Variants in UGCG observed in about 807,000 individuals in gnomAD.
The protein encoded by UGCG is UDP-glucose ceramide glucosyltransferase.
UGCG carries 10 observed loss-of-function variants against 49.5 expected under a neutral mutation model. The ratio of observed to expected loss-of-function variants is 0.20; its 90% CI spans 0.12 to 0.34. The LOEUF (loss-of-function observed/expected upper bound fraction) is 0.34. Among genes scored for constraint, UGCG ranks in the 10% least tolerant of loss-of-function variants. The pLI is 1.00. For synonymous variants in UGCG, 182 were observed against 158.2 expected (o/e 1.15, Z -1.13); for missense variants, 312 against 483.7 (o/e 0.65, Z 3.33).
chr9:111,933,156 A>G lies in UGCG; in HGVS notation c.*159A>G. 1 of 633,332 alleles carries G rather than the reference A, an allele frequency of 1.6e-6. No homozygotes were observed. The allele number at this position is 633,332 out of a possible 1,614,324, so 39.2% of individuals were successfully genotyped here. On this transcript the variant is annotated 3_prime_UTR_variant, in exon 9 of 9. Transcript: ENST00000374279. Reference sequence around the variant, plus strand: ...TGCATGGCACTTGCATCTGTGAAAAAAAAAAAAAACACATCTGTAGTCTTG... The same window carrying G: ...TGCATGGCACTTGCATCTGTGAAAAGAAAAAAAAACACATCTGTAGTCTTG...
At chr9:111,928,823 A>C (rs962219585) in intron 5 of UGCG, among the ~76,000 whole-genome samples, 1 of 152,220 alleles carries the variant, frequency 6.6e-6, no homozygotes, top group East Asian at 1.9e-4. Context: ...GGGTAATAAC[A>C]GTCCTTTTCT....
chr9:111,925,701 T>C (rs939398573), intron 4 of UGCG, among the ~76,000 whole-genome samples: 1 of 152,158 alleles, frequency 6.6e-6, no homozygotes, highest in Non-Finnish European at 1.5e-5. Flanking sequence ...AAATGAAAAA[T>C]AAGGTCATGT....
intron 1 of UGCG, among the ~76,000 whole-genome samples, chr9:111,902,950 G>A (rs909399145): frequency 6.6e-6 from 1 of 152,058 alleles, no homozygotes; most frequent in African/African-American, 2.4e-5. Context: ...GCTAATTTTT[G>A]TACTTTCAGT....
chr9:111,904,447 C>T (rs903554134), intron 1 of UGCG, among the ~76,000 whole-genome samples: 10 of 152,230 alleles, frequency 6.6e-5, no homozygotes, highest in African/African-American at 2.4e-4. Flanking sequence ...GGTAGATGAC[C>T]TTAGCTCCTA....
rs1838500200 is a variant in UGCG, at chr9:111,935,264, A to G, written c.*2267A>G. The G allele has an allele frequency of 6.6e-6, 1 of 152,212 alleles. No individual in the cohort carries two copies. Among genetic ancestry groups the G allele is most frequent in the Admixed American group, 6.5e-5 (1 of 15,276 alleles). 9.4% of individuals were successfully genotyped at this position (152,212 alleles called of 1,614,324 possible). ...AGAACTATAGGAGTCTAAATTTAATAAATCTTTAAAAAAAACCAGTGTCTA... is the reference window on the plus strand; with the variant it reads ...AGAACTATAGGAGTCTAAATTTAATGAATCTTTAAAAAAAACCAGTGTCTA... On this transcript the variant is annotated 3_prime_UTR_variant, in exon 9 of 9. Transcript: ENST00000374279.
chr9:111,933,036 G>C lies in UGCG; in HGVS notation c.*39G>C. The stretch of plus-strand genomic sequence containing the variant: ...ACTGTATATAAAGGAAAAAAGAGAA[G>C]TATTATAAATTATGTTTATATAAAT... On this transcript the variant is annotated 3_prime_UTR_variant, in exon 9 of 9. Coordinates refer to ENST00000374279, the MANE Select transcript of UGCG (RefSeq NM_003358.3). 7.2e-7 allele frequency: 1 copy of C among 1,398,556 alleles called. No homozygotes were observed. The highest frequency in any genetic ancestry group is 9.4e-7 in the Non-Finnish European group (1 of 1,066,936). The allele number at this position is 1,398,556 out of a possible 1,614,324, so 86.6% of individuals were successfully genotyped here.
rs199755972 is a variant in UGCG at position 111,897,171 on chromosome 9, G to T, written c.-45G>T. 14 of 1,517,138 alleles carry T rather than the reference G, an allele frequency of 9.2e-6. No individual in the cohort carries two copies. The East Asian group carries it at 3.5e-4, about 38-fold the overall frequency. 94.0% of individuals were successfully genotyped at this position (1,517,138 alleles called of 1,614,324 possible). A position where few individuals can be genotyped will look rare whatever the true frequency, so the allele number is the denominator to read the frequency against. ...TCCTCCTCCTGCGGGAGCGTTGTCCGTGTTGGCGGCCGCAGCGGGCCGGGC... is the reference window on the plus strand; with the variant it reads ...TCCTCCTCCTGCGGGAGCGTTGTCCTTGTTGGCGGCCGCAGCGGGCCGGGC... On this transcript the variant is annotated 5_prime_UTR_variant, in exon 1 of 9. Transcript: ENST00000374279.
At chr9:111,904,557 G>T (rs2131715743) in intron 1 of UGCG, among the ~76,000 whole-genome samples, 1 of 152,178 alleles carries the variant, frequency 6.6e-6, no homozygotes, top group Non-Finnish European at 1.5e-5. Flanking sequence ...ATTTCAAGTA[G>T]TCTTTAAAAA....
At chr9:111,930,351 C>G (rs77997747) in intron 6 of UGCG, among the ~76,000 whole-genome samples, 3,693 of 152,092 alleles carry the variant, frequency 0.024, 83 homozygotes, top group South Asian at 0.049. Context: ...AATTTAAAGA[C>G]TATCATTTCA....
At chr9:111,897,358 C>T (rs762696203) in intron 1 of UGCG, 45 bp downstream of exon 1, 1 of 1,490,082 alleles carries the variant, frequency 6.7e-7, no homozygotes, top group East Asian at 2.5e-5. Context: ...GGGTCCGGGC[C>T]TCGGAGACAG....
rs761163278 is a variant in UGCG, at chr9:111,934,128, GTTTTT to G, written c.*1139_*1143del. On this transcript the variant is annotated 3_prime_UTR_variant, in exon 9 of 9. Coordinates refer to ENST00000374279, the MANE Select transcript of UGCG (RefSeq NM_003358.3). ...GTATCAAACTAAGTCTACTGTGTGT[GTTTTT>G]TTTTTTTGTTTTTTGTTTTTGTTTG... 7.2e-6 allele frequency: 1 copy of G among 139,826 alleles called. No individual in the cohort carries two copies. Among genetic ancestry groups the G allele is most frequent in the Non-Finnish European group, 1.6e-5 (1 of 63,770 alleles). 8.7% of individuals were successfully genotyped at this position (139,826 alleles called of 1,614,324 possible).
chr9:111,931,407 G>C (rs747225080), intron 7 of UGCG, 50 bp downstream of exon 7: 5 of 1,570,158 alleles, frequency 3.2e-6, no homozygotes, highest in Admixed American at 3.4e-5. Flanking sequence ...AAGTGGGGAG[G>C]GGGGTGGTAA....
intron 3 of UGCG, 40 bp from the exon 4 acceptor site, chr9:111,924,737 G>A: frequency 9.3e-7 from 1 of 1,076,214 alleles, no homozygotes; most frequent in Non-Finnish European, 1.3e-6. Flanking sequence ...TATTTTTAAT[G>A]TTGCATAAAT....
At chr9:111,923,149 TCA>T (rs1419103338) in intron 3 of UGCG, among the ~76,000 whole-genome samples, 198 bp downstream of exon 3, 1 of 151,876 alleles carries the variant, frequency 6.6e-6, no homozygotes, top group Non-Finnish European at 1.5e-5. Context: ...ATGAACAAAA[TCA>T]CACACAAAAT....
chr9:111,919,877 A>G (rs917917667), intron 2 of UGCG, among the ~76,000 whole-genome samples: 1 of 151,832 alleles, frequency 6.6e-6, no homozygotes. Flanking sequence ...GCAGCCTCCT[A>G]TAGTAGGAAA....
At chr9:111,932,719 G>C in intron 8 of UGCG, 108 bp from the exon 9 acceptor site, 1 of 1,076,790 alleles carries the variant, frequency 9.3e-7, no homozygotes. Flanking sequence ...AAGCAGACTT[G>C]ATTTTACATA....
intron 2 of UGCG, among the ~76,000 whole-genome samples, chr9:111,917,576 A>G (rs1466822553): frequency 1.3e-5 from 2 of 152,238 alleles, no homozygotes; most frequent in African/African-American, 4.8e-5. Flanking sequence ...TGGGACTATC[A>G]TAGGCCATTT....
At position 111,904,246 on chromosome 9, in the gene UGCG, G is replaced by A. The variant is rs1017982439; in HGVS notation, c.98+6933G>A. 2.0e-5 allele frequency among the ~76,000 whole-genome samples: 3 copies of A among 152,156 alleles called. No individual in the cohort carries two copies. In the East Asian group the frequency reaches 5.8e-4, roughly 29 times the overall value. ...TTGAATCCATCCAATAATTATAGCT[G>A]CTCAACTTTGAAAATCCTACAGAGG... On this transcript the variant is annotated intron_variant, in intron 1 of 8. Coordinates refer to ENST00000374279, the MANE Select transcript of UGCG (RefSeq NM_003358.3).
At chr9:111,921,828 T>TTTTTTA (rs1838227949) in intron 2 of UGCG, among the ~76,000 whole-genome samples, 1 of 134,298 alleles carries the variant, frequency 7.4e-6, no homozygotes, top group African/African-American at 2.9e-5. Context: ...TTTTTTTTTT[T>TTTTTTA]GAGGCAGGGT....
Sources: allele counts gnomAD v4.1 joint callset (sites outside exome capture counted in the v4.1 genomes callset), GRCh38; gene constraint gnomAD v4.1.1; transcripts MANE v1.5; gene names NCBI Gene and HGNC (gene_info 2026-07-23, HGNC 2026-07-21).